The following REL variants were observed in gnomAD, a reference collection of about 807,000 sequenced individuals.
The protein encoded by REL is proto-oncogene c-Rel.
A neutral mutation model predicts 45.9 loss-of-function variants in REL; 15 were observed. The ratio of observed to expected loss-of-function variants is 0.33; its 90% confidence interval spans 0.22 to 0.50. The LOEUF is 0.50. REL is among the 20% of genes least tolerant of loss of function. The pLI is 0.98. For synonymous variants in REL, 239 were observed against 242.1 expected (o/e 0.99, Z 0.12); for missense variants, 601 against 715.2 (o/e 0.84, Z 1.82).
chr2:60,910,000 T>TA (rs1345712210), intron 4 of REL, among the ~76,000 whole-genome samples: 3 of 152,202 alleles, frequency 2.0e-5, no homozygotes, highest in African/African-American at 7.2e-5. Context: ...TTAGAAATGT[T>TA]ACACTTCTAG....
chr2:60,887,764 T>G (rs1253755894), intron 1 of REL, among the ~76,000 whole-genome samples: 1 of 151,510 alleles, frequency 6.6e-6, no homozygotes, highest in Non-Finnish European at 1.5e-5. Context: ...TTCCAAGGAC[T>G]TTAAATACTC....
chr2:60,886,473 A>G (rs1240326168), intron 1 of REL, among the ~76,000 whole-genome samples: 1 of 152,158 alleles, frequency 6.6e-6, no homozygotes, highest in Non-Finnish European at 1.5e-5. Context: ...CATACCATTC[A>G]TAATTCATTT....
Position 60,922,556 on chromosome 2 carries a change from T to C in REL, c.*21T>C, listed in dbSNP as rs1355641988. 1 of 1,569,914 alleles carries C rather than the reference T, an allele frequency of 6.4e-7. No homozygotes were observed. Among genetic ancestry groups the C allele is most frequent in the Non-Finnish European group, 8.6e-7 (1 of 1,160,490 alleles). On this transcript the variant is annotated 3_prime_UTR_variant, in exon 10 of 10. Transcript: ENST00000394479. ...TATAACTTGCAAGATTTAAATCCTT[T>C]TAAATCTTGATACCACCTATATAGA... is the stretch of plus-strand genomic sequence containing the variant.
rs966708551 is a variant in REL at position 60,925,050 on chromosome 2, TG to T, written c.*2516del. On this transcript the variant is annotated 3_prime_UTR_variant, in exon 10 of 10. Coordinates refer to ENST00000394479, the MANE Select transcript of REL (RefSeq NM_001291746.2). ...TTGCCCTTTTATTTCCCAAAGACAT[TG>T]TAAGGGTTAATTAGATCATTATATT... 5.0e-6 allele frequency: 1 copy of T among 199,228 alleles called. No homozygotes were observed. The highest frequency in any genetic ancestry group is 2.3e-5 in the African/African-American group (1 of 43,442). The allele number at this position is 199,228 out of a possible 1,614,324, so 12.3% of individuals were successfully genotyped here.
intron 1 of REL, among the ~76,000 whole-genome samples, 163 bp from the exon 2 acceptor site, chr2:60,891,520 C>G (rs577014005): frequency 6.6e-6 from 1 of 152,216 alleles, no homozygotes; most frequent in African/African-American, 2.4e-5. Flanking sequence ...AAAGGTGCCT[C>G]TCCCAGCCAA....
At chr2:60,901,353 G>T (rs968470096) in intron 4 of REL, among the ~76,000 whole-genome samples, 6 of 151,654 alleles carry the variant, frequency 4.0e-5, no homozygotes, top group Non-Finnish European at 7.4e-5. Context: ...GTAGAGACGG[G>T]GTTTCACCAT....
rs988961044 is a variant in REL at position 60,927,757 on chromosome 2, G to T, written c.*5222G>T. ...CATGTAGAGTAAAATGCATAAAGGG[G>T]ACTAATTTTAAATGTACAGCTTAAT... On this transcript the variant is annotated 3_prime_UTR_variant, in exon 10 of 10. Transcript: ENST00000394479. 4.4e-6 allele frequency: 1 copy of T among 229,248 alleles called. No individual in the cohort carries two copies. The highest frequency in any genetic ancestry group is 8.7e-6 in the Non-Finnish European group (1 of 115,542). 14.2% of individuals were successfully genotyped at this position (229,248 alleles called of 1,614,324 possible).
intron 2 of REL, among the ~76,000 whole-genome samples, chr2:60,894,047 T>A (rs1003743297): frequency 6.6e-6 from 1 of 152,234 alleles, no homozygotes; most frequent in East Asian, 1.9e-4. Context: ...ATGTTTATGG[T>A]ATGACAGTAC....
chr2:60,920,322 T>C (rs1200182426), intron 8 of REL: 2 of 616,138 alleles, frequency 3.2e-6, no homozygotes, highest in African/African-American at 1.9e-5. Flanking sequence ...TGCCTCAGCC[T>C]CCCGGGTAGC....
chr2:60,911,501 A>G (rs975106347), intron 4 of REL: 5 of 152,224 alleles, frequency 3.3e-5, no homozygotes, highest in African/African-American at 1.2e-4. Context: ...TATAAAGGTC[A>G]GTCATATTTC....
rs2103996400 is a variant in REL at position 60,925,800 on chromosome 2, CTAAT to C, written c.*3269_*3272del. On this transcript the variant is annotated 3_prime_UTR_variant, in exon 10 of 10. Coordinates refer to ENST00000394479, the MANE Select transcript of REL (RefSeq NM_001291746.2). The stretch of plus-strand genomic sequence containing the variant: ...AGCTGCATGGGTTTTTTTCTTTAAA[CTAAT>C]TAAGCGTTGGCTACTTAGTATAAGT... The C allele has an allele frequency of 4.8e-6, 1 of 207,000 alleles. No homozygotes were observed. Among genetic ancestry groups the C allele is most frequent in the Non-Finnish European group, 9.8e-6 (1 of 101,550 alleles). 12.8% of individuals were successfully genotyped at this position (207,000 alleles called of 1,614,324 possible).
At chr2:60,899,926 A>G (rs1309712413) in intron 3 of REL, 1 of 152,368 alleles carries the variant, frequency 6.6e-6, no homozygotes. Context: ...ATTTTTTATG[A>G]TGAATGGCTA....
In REL at chr2:60,918,751, T is replaced by C; in HGVS notation, c.853+145T>C. ...GGAAGCTTTCTGTTGGTTTTTTCTT[T>C]ATGCTCTTTGCATCTCTTTATTTGT... On this transcript the variant is annotated intron_variant, in intron 7 of 9. Transcript: ENST00000394479. The C allele has an allele frequency of 7.6e-6, 5 of 659,366 alleles. No individual in the cohort carries two copies. The South Asian group carries it at 9.9e-5, about 13-fold the overall frequency. 40.8% of individuals were successfully genotyped at this position (659,366 alleles called of 1,614,324 possible).
Position 60,891,887 on chromosome 2 carries a change from A to G in REL, c.153+62A>G, listed in dbSNP as rs1055068633. Reference sequence around the variant, plus strand: ...GTTGCTTCATATACTAGCTATAGCAATTATTTTAAAGGGCCAGTTTCTTCA... The same window carrying G: ...GTTGCTTCATATACTAGCTATAGCAGTTATTTTAAAGGGCCAGTTTCTTCA... On this transcript the variant is annotated intron_variant, in intron 2 of 9. Transcript: ENST00000394479. 14 of 1,407,180 alleles carry G rather than the reference A, an allele frequency of 9.9e-6. No individual in the cohort carries two copies. The African/African-American group carries it at 1.0e-4, about 10-fold the overall frequency. The allele number at this position is 1,407,180 out of a possible 1,614,324, so 87.2% of individuals were successfully genotyped here.
At position 60,881,756 on chromosome 2, in the gene REL, C is replaced by G. The variant is rs1672941245; in HGVS notation, c.-85C>G. The G allele has an allele frequency of 7.9e-7, 1 of 1,273,320 alleles. No individual in the cohort carries two copies. The highest frequency in any genetic ancestry group is 1.1e-6 in the Non-Finnish European group (1 of 914,688). The allele number at this position is 1,273,320 out of a possible 1,614,324, so 78.9% of individuals were successfully genotyped here. A position where few individuals can be genotyped will look rare whatever the true frequency, so the allele number is the denominator to read the frequency against. On this transcript the variant is annotated 5_prime_UTR_variant, in exon 1 of 10. Coordinates refer to ENST00000394479, the MANE Select transcript of REL (RefSeq NM_001291746.2). ...GACTGGGGGCCCCGCCGGCAGAGGT[C>G]CCTCGGCCTCCTGACTGACTGACTG...
intron 2 of REL, among the ~76,000 whole-genome samples, chr2:60,892,859 G>T (rs1261718605): frequency 6.6e-6 from 1 of 150,940 alleles, no homozygotes; most frequent in Non-Finnish European, 1.5e-5. Context: ...GGTTCAAGCA[G>T]TTCTCCCGTC....
chr2:60,888,541 A>G (rs539353213), intron 1 of REL, among the ~76,000 whole-genome samples: 40 of 152,380 alleles, frequency 2.6e-4, no homozygotes, highest in African/African-American at 9.4e-4. Flanking sequence ...TCTTTAAAAT[A>G]TGCAAGGATA....
chr2:60,889,835 A>G (rs960449681), intron 1 of REL, among the ~76,000 whole-genome samples: 1 of 152,062 alleles, frequency 6.6e-6, no homozygotes, highest in African/African-American at 2.4e-5. Flanking sequence ...CATTTTCTTA[A>G]TCCAGTCTAT....
intron 1 of REL, among the ~76,000 whole-genome samples, chr2:60,885,442 CT>C (rs111234947): frequency 1.2e-3 from 178 of 152,092 alleles, no homozygotes; most frequent in African/African-American, 4.1e-3. Context: ...CAAGACTTAC[CT>C]TTTTTCCCCC....
Sources: gnomAD v4.1 joint callset for allele counts (sites outside exome capture counted in the v4.1 genomes callset) on GRCh38, gnomAD v4.1.1 for gene constraint, MANE v1.5 for transcripts, NCBI Gene and HGNC (gene_info 2026-07-23, HGNC 2026-07-21) for gene names.